EVI5L: variants seen among roughly 807,000 people sequenced by gnomAD.
EVI5L encodes the protein EVI5-like protein.
EVI5L carries 30 observed loss-of-function variants against 106.1 expected under a neutral mutation model. The observed-to-expected ratio is 0.28, with a 90% CI of 0.21 to 0.38. EVI5L has a LOEUF of 0.38. Among genes scored for constraint, EVI5L ranks in the 10% least tolerant of loss-of-function variants. EVI5L has a pLI of 1.00. For synonymous variants in EVI5L, 489 were observed against 483.3 expected (o/e 1.01, Z -0.15); for missense variants, 809 against 1,098.0 (o/e 0.74, Z 3.72).
At chr19:7,853,696 TGTCGAGGGCTAAAGGCCCAGGGC>T (rs1979379012) in intron 10 of EVI5L, 1 of 326,234 alleles carries the variant, frequency 3.1e-6, no homozygotes, top group Non-Finnish European at 5.9e-6. Flanking sequence ...GGGCCCAGGG[TGTCGAGGGCTAAAGGCCCAGGGC>T]AGCAGCGTGC....
In EVI5L at chr19:7,863,689, G is replaced by T. The variant is rs1357778599; in HGVS notation, c.2405G>T (p.Gly802Val). The T allele has an allele frequency of 1.7e-5, 25 of 1,509,172 alleles. No individual in the cohort carries two copies. The highest frequency in any genetic ancestry group is 2.1e-5 in the Non-Finnish European group (24 of 1,131,268). 93.5% of individuals were successfully genotyped at this position (1,509,172 alleles called of 1,614,324 possible). ...ADELAAPYSQGLDN is the reference protein window; with the variant it reads ...ADELAAPYSQVLDN The stretch of plus-strand genomic sequence containing the variant: ...GAGCTGGCCGCGCCCTACAGCCAGG[G>T]TCTGGACAACTGAGGCCATGCCCAG... Residue 802 changes from glycine to valine, a missense_variant, in exon 20 of 20, where the codon GGT (glycine) becomes GTT (valine). Transcript: ENST00000538904. This position sits in a 1 kb window ranked among gnomAD's most constrained non-coding sequence, Gnocchi z 7.7.
rs1979993122 is a variant in EVI5L at position 7,863,922 on chromosome 19, A to G, written c.*220A>G. 2 of 601,352 alleles carry G rather than the reference A, an allele frequency of 3.3e-6. No individual in the cohort carries two copies. Among genetic ancestry groups the G allele is most frequent in the South Asian group, 2.7e-5 (1 of 37,610 alleles). The allele number at this position is 601,352 out of a possible 1,614,324, so 37.3% of individuals were successfully genotyped here. A position where few individuals can be genotyped will look rare whatever the true frequency, so the allele number is the denominator to read the frequency against. ...TCTCTATCCCCAGCAGTGTTTACCC[A>G]TCTTGGTCTGTACCCCTCCGGGCCC... is the stretch of plus-strand genomic sequence containing the variant. On this transcript the variant is annotated 3_prime_UTR_variant, in exon 20 of 20. Transcript: ENST00000538904. The surrounding 1 kb of genome is among the most constrained non-coding windows in gnomAD (Gnocchi z 7.7).
Position 7,862,955 on chromosome 19 carries a change from C to A in EVI5L, c.1948-17C>A, listed in dbSNP as rs375186729. 2 of 1,531,558 alleles carry A rather than the reference C, an allele frequency of 1.3e-6. No homozygotes were observed. Among genetic ancestry groups the A allele is most frequent in the Non-Finnish European group, 1.7e-6 (2 of 1,145,838 alleles). 94.9% of individuals were successfully genotyped at this position (1,531,558 alleles called of 1,614,324 possible). The stretch of plus-strand genomic sequence containing the variant: ...CCCCTGACCCGCCCTCCTTTCCCCC[C>A]AATCCCCCGACCCCAGAGCAAGGAG... On this transcript the variant is annotated splice_polypyrimidine_tract_variant and intron_variant, in intron 17 of 19. Transcript: ENST00000538904.
At position 7,848,793 on chromosome 19, in the gene EVI5L, T is replaced by C. The variant is rs1568238108; in HGVS notation, c.328-128T>C. 1.6e-5 allele frequency: 13 copies of C among 824,978 alleles called. No individual in the cohort carries two copies. The highest frequency in any genetic ancestry group is 2.2e-5 in the Non-Finnish European group (12 of 533,696). The allele number at this position is 824,978 out of a possible 1,614,324, so 51.1% of individuals were successfully genotyped here. A position where few individuals can be genotyped will look rare whatever the true frequency, so the allele number is the denominator to read the frequency against. ...CTGAAAAAAGGGGGTAAAAAAAGGA[T>C]TGGGGACCATGAGTTCTGTGCCATG... On this transcript the variant is annotated intron_variant, in intron 3 of 19. Transcript: ENST00000538904. The surrounding 1 kb of genome is among the most constrained non-coding windows in gnomAD (Gnocchi z 4.8).
rs1401045905 is a variant in EVI5L at position 7,862,289 on chromosome 19, G to A, written c.1800+12G>A. 2.5e-6 allele frequency: 4 copies of A among 1,582,312 alleles called. No individual in the cohort carries two copies. Among genetic ancestry groups the A allele is most frequent in the Admixed American group, 3.6e-5 (2 of 55,580 alleles). On this transcript the variant is annotated intron_variant, in intron 16 of 19. Coordinates refer to ENST00000538904, the MANE Select transcript of EVI5L (RefSeq NM_001159944.3). ...AACTTGAGACGCAGGTGGACTCGGG[G>A]GGCCTGCTCGTTGGGGAAGGGGCGT...
In EVI5L at chr19:7,857,003, A is replaced by G. The variant is rs1450036141; in HGVS notation, c.1201-89A>G. The G allele has an allele frequency of 2.2e-6, 3 of 1,358,138 alleles. No homozygotes were observed. Among genetic ancestry groups the G allele is most frequent in the Non-Finnish European group, 3.1e-6 (3 of 971,528 alleles). The allele number at this position is 1,358,138 out of a possible 1,614,324, so 84.1% of individuals were successfully genotyped here. ...GAGATAGTCCACTGCGTTAGTGACA[A>G]GTGGTTCTTGTCTGTCTCCCCTCTC... On this transcript the variant is annotated intron_variant, in intron 11 of 19. Coordinates refer to ENST00000538904, the MANE Select transcript of EVI5L (RefSeq NM_001159944.3). The surrounding 1 kb of genome is among the most constrained non-coding windows in gnomAD (Gnocchi z 4.5).
rs1309616145 is a variant in EVI5L at position 7,858,656 on chromosome 19, G to A, written c.1374+325G>A. On this transcript the variant is annotated intron_variant, in intron 13 of 19. Transcript: ENST00000538904. This position sits in a 1 kb window ranked among gnomAD's most constrained non-coding sequence, Gnocchi z 5.7. Reference sequence around the variant, plus strand: ...TGTGTCACAGGCAGCAGACAGGGCTGTGACTCCTTACGGAGGCTCTTGCCT... The same window carrying A: ...TGTGTCACAGGCAGCAGACAGGGCTATGACTCCTTACGGAGGCTCTTGCCT... 2.7e-6 allele frequency: 1 copy of A among 363,888 alleles called. No individual in the cohort carries two copies. The highest frequency in any genetic ancestry group is 5.0e-6 in the Non-Finnish European group (1 of 198,944). The allele number at this position is 363,888 out of a possible 1,614,324, so 22.5% of individuals were successfully genotyped here.
intron 14 of EVI5L, 38 bp downstream of exon 14, chr19:7,860,727 C>A: frequency 6.5e-7 from 1 of 1,535,244 alleles, no homozygotes; most frequent in East Asian, 2.4e-5. Flanking sequence ...GTCGGGGGGA[C>A]CCTGGGGCAC....
At position 7,862,285 on chromosome 19, in the gene EVI5L, C is replaced by CG. The variant is rs748901742; in HGVS notation, c.1800+14dup. ...GTGGAACTTGAGACGCAGGTGGACTCGGGGGGCCTGCTCGTTGGGGAAGGG... is the reference window on the plus strand; with the variant it reads ...GTGGAACTTGAGACGCAGGTGGACTCGGGGGGGCCTGCTCGTTGGGGAAGGG... On this transcript the variant is annotated intron_variant, in intron 16 of 19. Transcript: ENST00000538904. 4.0e-5 allele frequency: 63 copies of CG among 1,582,100 alleles called. No individual in the cohort carries two copies. Among genetic ancestry groups the CG allele is most frequent in the Non-Finnish European group, 4.9e-5 (57 of 1,164,170 alleles).
intron 1 of EVI5L, among the ~76,000 whole-genome samples, chr19:7,842,199 TG>T (rs1226379109): frequency 1.2e-5 from 1 of 81,164 alleles, no homozygotes; most frequent in East Asian, 3.0e-4. Context: ...GTGTGTTGTG[TG>T]TGCATGTATA....
intron 5 of EVI5L, 83 bp downstream of exon 5, chr19:7,849,413 G>C: frequency 6.9e-7 from 1 of 1,455,634 alleles, no homozygotes; most frequent in Non-Finnish European, 9.5e-7. Flanking sequence ...CAGAAGTGGC[G>C]TGTCCTCCAC....
Position 7,858,443 on chromosome 19 carries a change from C to T in EVI5L, c.1374+112C>T. On this transcript the variant is annotated intron_variant, in intron 13 of 19. Coordinates refer to ENST00000538904, the MANE Select transcript of EVI5L (RefSeq NM_001159944.3). This position sits in a 1 kb window ranked among gnomAD's most constrained non-coding sequence, Gnocchi z 5.7. ...CTGCCCCGCCTCAGCACCTGGCCCT[C>T]CTGTTCCTTTCTGGGGTAAGGGGAA... is the stretch of plus-strand genomic sequence containing the variant. 3 of 1,362,688 alleles carry T rather than the reference C, an allele frequency of 2.2e-6. No individual in the cohort carries two copies. The highest frequency in any genetic ancestry group is 2.5e-5 in the East Asian group (1 of 39,494). 84.4% of individuals were successfully genotyped at this position (1,362,688 alleles called of 1,614,324 possible). A position where few individuals can be genotyped will look rare whatever the true frequency, so the allele number is the denominator to read the frequency against.
intron 1 of EVI5L, among the ~76,000 whole-genome samples, chr19:7,838,912 C>G (rs939800624): frequency 6.6e-6 from 1 of 151,910 alleles, no homozygotes; most frequent in African/African-American, 2.4e-5. Context: ...TTACTTGAAC[C>G]CAGGAGGTCA....
At chr19:7,852,726 T>TTC in intron 8 of EVI5L, 2 of 254,030 alleles carry the variant, frequency 7.9e-6, no homozygotes, top group South Asian at 9.0e-5. Context: ...TAATTTTTTT[T>TTC]TTTCAGAAAT....
Position 7,863,447 on chromosome 19 carries a change from G to A in EVI5L, c.2163G>A (p.Pro721=), listed in dbSNP as rs768028731. 4 of 1,552,744 alleles carry A rather than the reference G, an allele frequency of 2.6e-6. No individual in the cohort carries two copies. Among genetic ancestry groups the A allele is most frequent in the Non-Finnish European group, 3.5e-6 (4 of 1,149,848 alleles). Residue 721 remains proline (P), a synonymous_variant, in exon 20 of 20, where the codon CCG becomes CCA. Transcript: ENST00000538904. This position sits in a 1 kb window ranked among gnomAD's most constrained non-coding sequence, Gnocchi z 7.7. ...AGGTGCGGCTGCTGAAGGGCCCGCC[G>A]CCCTTCGAGGACCCGCTGGCTTTCG... ...KAEVRLLKGP[P]PFEDPLAFDG...
At chr19:7,834,962 C>CAATAAT (rs549497847) in intron 1 of EVI5L, among the ~76,000 whole-genome samples, 3 of 151,390 alleles carry the variant, frequency 2.0e-5, no homozygotes, top group African/African-American at 7.3e-5. Context: ...TCTCTCTCTG[C>CAATAAT]AATAATAATA....
rs1483043314 is a variant in EVI5L, at chr19:7,856,494, C to T, written c.1200+426C>T. On this transcript the variant is annotated intron_variant, in intron 11 of 19. Coordinates refer to ENST00000538904, the MANE Select transcript of EVI5L (RefSeq NM_001159944.3). The surrounding 1 kb of genome is among the most constrained non-coding windows in gnomAD (Gnocchi z 6.6). ...AACCCAGTGGAGGAGAAGCGTGGCG[C>T]CATGGTGGGGAGCCACAGCCCGGAC... Among the ~76,000 whole-genome samples the T allele has an allele frequency of 6.6e-6, 1 of 152,018 alleles. No individual in the cohort carries two copies. The highest frequency in any genetic ancestry group is 1.5e-5 in the Non-Finnish European group (1 of 67,986).
At position 7,863,268 on chromosome 19, in the gene EVI5L, G is replaced by C; in HGVS notation, c.2127G>C (p.Glu709Asp). 2 of 1,557,156 alleles carry C rather than the reference G, an allele frequency of 1.3e-6. No homozygotes were observed. Among genetic ancestry groups the C allele is most frequent in the South Asian group, 2.4e-5 (2 of 84,514 alleles). ...GCGAGCTCAAGGACCAGATCGAGGAGCTGAAGGCCGAGGTGAGCCGGCGCG... is the reference window on the plus strand; with the variant it reads ...GCGAGCTCAAGGACCAGATCGAGGACCTGAAGGCCGAGGTGAGCCGGCGCG... Reference protein sequence around the residue: ...YIRELKDQIEELKAEVRLLKG... With the variant: ...YIRELKDQIEDLKAEVRLLKG... The change falls in exon 19 of 20, where the codon GAG (glutamate) becomes GAC (aspartate). Residue 709 changes from glutamate to aspartate, a missense_variant. Around this residue, in one of 2 missense-constraint regions of EVI5L, gnomAD observed 452 missense variants for 509.9 expected, o/e 0.89. Coordinates refer to ENST00000538904, the MANE Select transcript of EVI5L (RefSeq NM_001159944.3). This position sits in a 1 kb window ranked among gnomAD's most constrained non-coding sequence, Gnocchi z 7.7.
intron 1 of EVI5L, among the ~76,000 whole-genome samples, chr19:7,838,736 A>G (rs531673706): frequency 6.6e-6 from 1 of 152,164 alleles, no homozygotes; most frequent in East Asian, 1.9e-4. Flanking sequence ...TAGAATGTGC[A>G]TTGGGCTTGG....
Sources: allele counts gnomAD v4.1 joint callset (sites outside exome capture counted in the v4.1 genomes callset), GRCh38; gene constraint gnomAD v4.1.1; regional missense constraint gnomAD v4.1.1; non-coding constraint Gnocchi (gnomAD v3.1); transcripts MANE v1.5; gene names NCBI Gene and HGNC (gene_info 2026-07-23, HGNC 2026-07-21).